CADM3: variants seen among roughly 807,000 people sequenced by gnomAD.
The protein encoded by CADM3 is cell adhesion molecule 3, also known as TSLC1-like 1.
A neutral mutation model predicts 44.9 loss-of-function variants in CADM3; 11 were observed. The ratio of observed to expected loss-of-function variants is 0.25; its 90% CI spans 0.15 to 0.41. CADM3 has a LOEUF of 0.41. CADM3 is among the 10% of genes least tolerant of loss of function. The pLI is 1.00. For synonymous variants in CADM3, 207 were observed against 205.2 expected (o/e 1.01, Z -0.08); for missense variants, 426 against 512.0 (o/e 0.83, Z 1.62).
intron 1 of CADM3, 116 bp from the exon 2 acceptor site, chr1:159,191,820 G>C (rs912502082): frequency 1.6e-6 from 2 of 1,222,208 alleles, no homozygotes; most frequent in African/African-American, 3.0e-5. Context: ...GGTACACAGA[G>C]ACCTTGTGTA....
intron 1 of CADM3, among the ~76,000 whole-genome samples, chr1:159,188,279 C>A (rs1419253321): frequency 6.6e-6 from 1 of 151,318 alleles, no homozygotes; most frequent in African/African-American, 2.4e-5. Context: ...TCTCCACCCC[C>A]TCTTTATCCT....
chr1:159,175,188 C>A (rs1359863958), intron 1 of CADM3, among the ~76,000 whole-genome samples: 1 of 152,228 alleles, frequency 6.6e-6, no homozygotes, highest in African/African-American at 2.4e-5. Flanking sequence ...TGTAACTGTT[C>A]TGTTGCTGTT....
chr1:159,192,478 A>C lies in CADM3; in HGVS notation c.230-100A>C, dbSNP rs1460380003. 4 of 1,416,168 alleles carry C rather than the reference A, an allele frequency of 2.8e-6. No individual in the cohort carries two copies. The African/African-American group carries it at 4.2e-5, about 15-fold the overall frequency. The allele number at this position is 1,416,168 out of a possible 1,614,324, so 87.7% of individuals were successfully genotyped here. ...AGCAGTTATTTTTTCCCCACCCACCATACTAGACCCCTTCCCCCAAAGAAG... is the reference window on the plus strand; with the variant it reads ...AGCAGTTATTTTTTCCCCACCCACCCTACTAGACCCCTTCCCCCAAAGAAG... On this transcript the variant is annotated intron_variant, in intron 2 of 8. Transcript: ENST00000368125.
Position 159,190,651 on chromosome 1 carries a change from G to T in CADM3, c.89-1285G>T, listed in dbSNP as rs541094433. 6.6e-4 allele frequency among the ~76,000 whole-genome samples: 101 copies of T among 152,274 alleles called. 1 individual carries two copies. Among genetic ancestry groups the T allele is most frequent in the African/African-American group, 2.4e-3 (100 of 41,556 alleles). ...CAGTCAATAGCATCAACTCCAGCAC[G>T]CACATCTTCATTCCTCAGGGCCTCT... On this transcript the variant is annotated intron_variant, in intron 1 of 8. Coordinates refer to ENST00000368125, the MANE Select transcript of CADM3 (RefSeq NM_001127173.3).
At chr1:159,186,763 A>G (rs1240076231) in intron 1 of CADM3, among the ~76,000 whole-genome samples, 1 of 152,202 alleles carries the variant, frequency 6.6e-6, no homozygotes, top group East Asian at 1.9e-4. Context: ...AAGAGAAGAC[A>G]TGAGATTATA....
At chr1:159,178,878 GAGTTAATATAAT>G (rs1299872086) in intron 1 of CADM3, among the ~76,000 whole-genome samples, 1 of 152,166 alleles carries the variant, frequency 6.6e-6, no homozygotes, top group Non-Finnish European at 1.5e-5. Flanking sequence ...TTATGGATAA[GAGTTAATATAAT>G]AGTTAATACT....
Position 159,197,197 on chromosome 1 carries a change from T to G in CADM3, c.952+137T>G, listed in dbSNP as rs1450599029. Reference sequence around the variant, plus strand: ...AAGGAAAACCAGCCCACCACTGGGGTCCCTGAGGGCTTAGGTCCCAGGTCC... The same window carrying G: ...AAGGAAAACCAGCCCACCACTGGGGGCCCTGAGGGCTTAGGTCCCAGGTCC... On this transcript the variant is annotated intron_variant, in intron 7 of 8. Coordinates refer to ENST00000368125, the MANE Select transcript of CADM3 (RefSeq NM_001127173.3). The G allele has an allele frequency of 3.6e-6, 3 of 838,246 alleles. No individual in the cohort carries two copies. In the African/African-American group the frequency reaches 5.1e-5, roughly 14 times the overall value. The allele number at this position is 838,246 out of a possible 1,614,324, so 51.9% of individuals were successfully genotyped here.
At chr1:159,180,579 AT>A (rs10681414) in intron 1 of CADM3, among the ~76,000 whole-genome samples, 33,084 of 149,290 alleles carry the variant, frequency 0.22, 4,522 homozygotes, top group East Asian at 0.53. Flanking sequence ...AAAAATACAG[AT>A]TTTTTTTTTT....
At chr1:159,188,168 G>T (rs1018299673) in intron 1 of CADM3, among the ~76,000 whole-genome samples, 14 of 151,786 alleles carry the variant, frequency 9.2e-5, no homozygotes, top group Non-Finnish European at 4.4e-5. Flanking sequence ...GGGAACCTCC[G>T]CAGCTGTCTC....
chr1:159,182,602 A>C (rs1649276262), intron 1 of CADM3, among the ~76,000 whole-genome samples: 1 of 152,208 alleles, frequency 6.6e-6, no homozygotes, highest in Non-Finnish European at 1.5e-5. Flanking sequence ...AGAATCATAG[A>C]GGGGAGAATA....
chr1:159,201,602 C>T lies in CADM3; in HGVS notation c.*680C>T, dbSNP rs1369410494. The T allele has an allele frequency of 6.6e-6, 1 of 152,302 alleles. No homozygotes were observed. The highest frequency in any genetic ancestry group is 1.5e-5 in the Non-Finnish European group (1 of 68,132). 9.4% of individuals were successfully genotyped at this position (152,302 alleles called of 1,614,324 possible). The stretch of plus-strand genomic sequence containing the variant: ...GCCATGCAGGGACCCAGGACTGTAA[C>T]CTGGGGAGGACGCGGGTCCCTGCAA... On this transcript the variant is annotated 3_prime_UTR_variant, in exon 9 of 9. Transcript: ENST00000368125.
At chr1:159,190,729 C>T (rs1012136831) in intron 1 of CADM3, among the ~76,000 whole-genome samples, 2 of 152,116 alleles carry the variant, frequency 1.3e-5, no homozygotes, top group African/African-American at 2.4e-5. Flanking sequence ...TTCCAGTAAC[C>T]AAGAAAGGAA....
intron 1 of CADM3, among the ~76,000 whole-genome samples, chr1:159,180,978 G>T (rs1172609139): frequency 6.6e-6 from 1 of 152,100 alleles, no homozygotes. Context: ...TTGGGGCACT[G>T]GGATGGGTAG....
chr1:159,177,590 CCT>C (rs1440929678), intron 1 of CADM3, among the ~76,000 whole-genome samples: 1 of 152,104 alleles, frequency 6.6e-6, no homozygotes. Flanking sequence ...AATCTCCCTC[CCT>C]GCCACCACAA....
chr1:159,180,033 G>A (rs577460851), intron 1 of CADM3, among the ~76,000 whole-genome samples: 9 of 152,218 alleles, frequency 5.9e-5, no homozygotes, highest in African/African-American at 2.2e-4. Context: ...ACTCTTTTCT[G>A]GTTTCCAAGC....
chr1:159,190,153 T>A (rs944327465), intron 1 of CADM3, among the ~76,000 whole-genome samples: 1 of 151,958 alleles, frequency 6.6e-6, no homozygotes, highest in Non-Finnish European at 1.5e-5. Flanking sequence ...AATAAAGAGG[T>A]TCTGGGAAGA....
At chr1:159,197,328 C>T (rs1303431043) in intron 7 of CADM3, 9 of 368,912 alleles carry the variant, frequency 2.4e-5, no homozygotes, top group Non-Finnish European at 4.5e-5. Flanking sequence ...CTTCCATCCC[C>T]TGCACTTGTC....
intron 1 of CADM3, among the ~76,000 whole-genome samples, chr1:159,179,807 A>ATT (rs1031361037): frequency 6.7e-6 from 1 of 148,902 alleles, no homozygotes; most frequent in Non-Finnish European, 1.5e-5. Flanking sequence ...GCTCCTAATC[A>ATT]TTTTTTTTTT....
intron 8 of CADM3, 36 bp downstream of exon 8, chr1:159,199,912 G>C: frequency 1.9e-6 from 3 of 1,605,470 alleles, no homozygotes; most frequent in Non-Finnish European, 2.6e-6. Context: ...CAGAACTTGG[G>C]AGGGGCAGGG....
Sources: gnomAD v4.1 joint callset for allele counts (sites outside exome capture counted in the v4.1 genomes callset) on GRCh38, gnomAD v4.1.1 for gene constraint, MANE v1.5 for transcripts, NCBI Gene and HGNC (gene_info 2026-07-23, HGNC 2026-07-21) for gene names.